The following IL31RA variants were observed in gnomAD, a reference collection of about 807,000 sequenced individuals.
The protein encoded by IL31RA is interleukin 31 receptor A, also known as interleukin-31 receptor subunit alpha.
IL31RA carries 66 observed loss-of-function variants against 83.7 expected under a neutral mutation model. The observed-to-expected ratio is 0.79, with a 90% confidence interval of 0.65 to 0.97. The LOEUF (loss-of-function observed/expected upper bound fraction) is 0.97, where lower values mean the gene tolerates loss of function less well. Ranked by LOEUF, IL31RA falls within the 50% of genes least tolerant of loss-of-function variation. The pLI is 0.00. For synonymous variants in IL31RA, 325 were observed against 329.0 expected, an observed-to-expected ratio of 0.99 and a Z score of 0.13; for missense variants, 798 against 919.4, an observed-to-expected ratio of 0.87 and a Z score of 1.71.
At chr5:55,872,760 C>T (rs1746609703) in intron 4 of IL31RA, among the ~76,000 whole-genome samples, 1 of 151,932 alleles carries the variant, frequency 6.6e-6, no homozygotes, top group African/African-American at 2.4e-5. Flanking sequence ...GGTCTCTCCC[C>T]ACCACCCCAC....
intron 1 of IL31RA, among the ~76,000 whole-genome samples, chr5:55,856,784 T>C (rs1329125177): frequency 6.6e-6 from 1 of 152,204 alleles, no homozygotes; most frequent in African/African-American, 2.4e-5. Context: ...CTTTCGTAGA[T>C]AGTACTGGAT....
At chr5:55,898,589 ATAT>A (rs1354512099) in intron 7 of IL31RA, among the ~76,000 whole-genome samples, 1 of 150,432 alleles carries the variant, frequency 6.6e-6, no homozygotes, top group Admixed American at 6.6e-5. Context: ...TTTAAATAAC[ATAT>A]TAATATGTTA....
chr5:55,850,878 G>A (rs1459486118), upstream of IL31RA, among the ~76,000 whole-genome samples: 1 of 152,016 alleles, frequency 6.6e-6, no homozygotes, highest in African/African-American at 2.4e-5. Flanking sequence ...ATCACCTGAG[G>A]TCAGGAGTTT....
chr5:55,858,788 A>T (rs1241421110), intron 1 of IL31RA, among the ~76,000 whole-genome samples: 1 of 152,230 alleles, frequency 6.6e-6, no homozygotes, highest in Non-Finnish European at 1.5e-5. Flanking sequence ...ATAAACAAGT[A>T]AATGCCACAA....
chr5:55,841,706 G>T, the IL31RA span, among the ~76,000 whole-genome samples: 43 of 152,322 alleles, frequency 2.8e-4, no homozygotes, highest in Middle Eastern at 3.4e-3. Flanking sequence ...CCATGTGAGA[G>T]GATCCGGTGA....
Position 55,851,470 on chromosome 5 carries a change from T to C in IL31RA, c.-101T>C. The stretch of plus-strand genomic sequence containing the variant: ...AAAAAATTGCAAAAAAAAATAGTAA[T>C]AACCAGCATGGCACTAAATAGACCA... On this transcript the variant is annotated 5_prime_UTR_variant, in exon 1 of 15. Coordinates refer to ENST00000652347, the MANE Select transcript of IL31RA (RefSeq NM_139017.7). The C allele has an allele frequency of 6.2e-7, 1 of 1,609,012 alleles. No homozygotes were observed. The highest frequency in any genetic ancestry group is 1.1e-5 in the South Asian group (1 of 90,742).
chr5:55,847,008 G>A (rs1305264638), upstream of IL31RA, among the ~76,000 whole-genome samples: 1 of 150,920 alleles, frequency 6.6e-6, no homozygotes, highest in African/African-American at 2.4e-5. Context: ...ACTTTGGGAG[G>A]CTGAGGCAGG....
intron 4 of IL31RA, among the ~76,000 whole-genome samples, chr5:55,874,002 A>G (rs191106934): frequency 1.3e-3 from 204 of 152,178 alleles, no homozygotes; most frequent in Admixed American, 2.7e-3. Context: ...GTTTTTTCTA[A>G]GAGTTTTGAA....
intron 11 of IL31RA, chr5:55,908,767 T>C: frequency 7.0e-7 from 1 of 1,428,064 alleles, no homozygotes; most frequent in Admixed American, 2.9e-5. Context: ...CCTGTCACCA[T>C]GACTTCTACT....
chr5:55,916,403 TATAA>T (rs1749782499), intron 14 of IL31RA, among the ~76,000 whole-genome samples: 1 of 151,090 alleles, frequency 6.6e-6, no homozygotes, highest in Non-Finnish European at 1.5e-5. Flanking sequence ...ATTATATACA[TATAA>T]ATAAATAAAT....
chr5:55,852,025 TA>T (rs1278188331), intron 1 of IL31RA, among the ~76,000 whole-genome samples: 1 of 152,240 alleles, frequency 6.6e-6, no homozygotes, highest in Non-Finnish European at 1.5e-5. Flanking sequence ...GAATTCTATT[TA>T]ATACACAACA....
chr5:55,864,192 G>A (rs755531855), intron 2 of IL31RA, among the ~76,000 whole-genome samples: 1 of 151,994 alleles, frequency 6.6e-6, no homozygotes, highest in Non-Finnish European at 1.5e-5. Flanking sequence ...TTAGTGTGAC[G>A]AGTATGAGCG....
At chr5:55,908,800 G>A (rs1301906642) in intron 11 of IL31RA, 3 of 1,399,744 alleles carry the variant, frequency 2.1e-6, no homozygotes. Context: ...TCATGCTTTT[G>A]TTTTTCAGTC....
intron 6 of IL31RA, 123 bp downstream of exon 6, chr5:55,890,258 CT>C: frequency 2.2e-6 from 2 of 922,808 alleles, no homozygotes; most frequent in South Asian, 1.4e-5. Context: ...CAGGGGCCCC[CT>C]GTACCATCGA....
At chr5:55,887,583 T>C (rs1329687858) in intron 5 of IL31RA, among the ~76,000 whole-genome samples, 2 of 149,812 alleles carry the variant, frequency 1.3e-5, no homozygotes, top group East Asian at 2.0e-4. Flanking sequence ...CTACGAAAAA[T>C]ACAAAAAAAT....
At chr5:55,886,268 C>CTTTTTTTTTTTTTTTTTTTTTTTT in intron 5 of IL31RA, among the ~76,000 whole-genome samples, 1 of 71,510 alleles carries the variant, frequency 1.4e-5, no homozygotes, top group Non-Finnish European at 2.4e-5. Context: ...TGCTTGCTTG[C>CTTTTTTTTTTTTTTTTTTTTTTTT]TTTTTTTTTT....
At position 55,917,928 on chromosome 5, in the gene IL31RA, G is replaced by A. The variant is rs1195396271; in HGVS notation, c.*808G>A. Among the ~76,000 whole-genome samples the A allele has an allele frequency of 1.3e-5, 2 of 152,196 alleles. No individual in the cohort carries two copies. Among genetic ancestry groups the A allele is most frequent in the Admixed American group, 6.5e-5 (1 of 15,280 alleles). Reference sequence around the variant, plus strand: ...ATTGCAGTGGTTGTCATATAGGGACGCTGGCCCCTCACACTGGTTCAGAGC... The same window carrying A: ...ATTGCAGTGGTTGTCATATAGGGACACTGGCCCCTCACACTGGTTCAGAGC... On this transcript the variant is annotated 3_prime_UTR_variant, in exon 15 of 15. Transcript: ENST00000652347.
chr5:55,913,380 T>C, intron 12 of IL31RA, 97 bp from the exon 13 acceptor site: 1 of 805,932 alleles, frequency 1.2e-6, no homozygotes, highest in Non-Finnish European at 2.2e-6. Flanking sequence ...TAATAAGACA[T>C]TGTGTTGCTG....
intron 7 of IL31RA, among the ~76,000 whole-genome samples, chr5:55,897,758 G>C (rs1748506241): frequency 6.6e-6 from 1 of 152,166 alleles, no homozygotes; most frequent in East Asian, 1.9e-4. Flanking sequence ...AAAGGAAAAG[G>C]GCAGATGGAG....
Sources: gnomAD v4.1 joint callset for allele counts (sites outside exome capture counted in the v4.1 genomes callset) on GRCh38, gnomAD v4.1.1 for gene constraint, MANE v1.5 for transcripts, NCBI Gene and HGNC (gene_info 2026-07-23, HGNC 2026-07-21) for gene names.